Variants in CADM1 observed in about 807,000 individuals in gnomAD.
The protein encoded by CADM1 is cell adhesion molecule 1, also known as TSLC-1.
Under a neutral mutation model 53.1 loss-of-function variants are expected in CADM1, and 15 were observed. The observed-to-expected ratio is 0.28, with a 90% CI of 0.19 to 0.44. The LOEUF (loss-of-function observed/expected upper bound fraction) is 0.44. Ranked by LOEUF, CADM1 falls within the 20% of genes least tolerant of loss-of-function variation. The pLI, the probability that CADM1 is intolerant of heterozygous loss-of-function variation, is 1.00. For missense variants in CADM1, 434 were observed against 611.3 expected (o/e 0.71, Z 3.06); for synonymous variants, 281 against 243.0 (o/e 1.16, Z -1.45).
chr11:115,485,860 ACT>A (rs1377068249), intron 1 of CADM1, among the ~76,000 whole-genome samples: 22 of 151,862 alleles, frequency 1.4e-4, no homozygotes, highest in African/African-American at 5.3e-4. Flanking sequence ...TTTCTACTAA[ACT>A]CTTATTTCAA....
rs1206116628 is a variant in CADM1 at position 115,404,343 on chromosome 11, AAAAATATATATATATATATATAT to A, written c.124+99905_124+99927del. ...TCTGTCTCGGAAAAAAAAAAAAAAA[AAAAATATATATATATATATATAT>A]ATATATATATATATATATATATGGC... On this transcript the variant is annotated intron_variant, in intron 1 of 11. Coordinates refer to ENST00000331581, the MANE Select transcript of CADM1 (RefSeq NM_001301043.2). Among the ~76,000 whole-genome samples, 154 of 39,880 alleles carry A rather than the reference AAAAATATATATATATATATATAT, an allele frequency of 3.9e-3. 9 individuals carry two copies. Among genetic ancestry groups the A allele is most frequent in the Admixed American group, 0.027 (110 of 4,060 alleles). The allele number at this position is 39,880 out of a possible 152,430, so 26.2% of individuals were successfully genotyped here. A position where few individuals can be genotyped will look rare whatever the true frequency, so the allele number is the denominator to read the frequency against.
intron 1 of CADM1, among the ~76,000 whole-genome samples, chr11:115,421,735 C>T (rs1947762406): frequency 6.6e-6 from 1 of 152,148 alleles, no homozygotes; most frequent in South Asian, 2.1e-4. Flanking sequence ...ATGCCATTGC[C>T]AGAGAAAATT....
intron 1 of CADM1, among the ~76,000 whole-genome samples, chr11:115,332,021 T>C (rs1273500414): frequency 6.6e-6 from 1 of 152,146 alleles, no homozygotes; most frequent in Non-Finnish European, 1.5e-5. Flanking sequence ...CCCAGGTGCC[T>C]GAGCGTAACA....
intron 1 of CADM1, among the ~76,000 whole-genome samples, chr11:115,409,737 GAAA>G (rs34048832): frequency 2.9e-5 from 4 of 136,164 alleles, no homozygotes; most frequent in Admixed American, 2.2e-4. Context: ...TAAGCTTGAA[GAAA>G]AAAAAAAAAA....
intron 1 of CADM1, among the ~76,000 whole-genome samples, chr11:115,254,113 T>G (rs1483448353): frequency 6.6e-6 from 1 of 152,212 alleles, no homozygotes; most frequent in Non-Finnish European, 1.5e-5. Flanking sequence ...TATTGTTATT[T>G]TAATTATCTT....
chr11:115,450,055 G>A (rs536633357), intron 1 of CADM1, among the ~76,000 whole-genome samples: 1 of 151,718 alleles, frequency 6.6e-6, no homozygotes, highest in South Asian at 2.1e-4. Context: ...AACGCTGAAT[G>A]GAAAAAAAGC....
At chr11:115,414,505 T>TA (rs1021304385) in intron 1 of CADM1, among the ~76,000 whole-genome samples, 7 of 151,208 alleles carry the variant, frequency 4.6e-5, no homozygotes, top group Admixed American at 2.0e-4. Context: ...GTGCAACTCT[T>TA]AAAAAAAAAT....
chr11:115,404,389 G>T (rs1209462862), intron 1 of CADM1, among the ~76,000 whole-genome samples: 2 of 85,778 alleles, frequency 2.3e-5, no homozygotes, highest in Non-Finnish European at 2.1e-5. Flanking sequence ...ATATATATAT[G>T]GCCCATTTGC....
intron 1 of CADM1, among the ~76,000 whole-genome samples, chr11:115,398,290 TATTTTA>T (rs1451312499): frequency 1.1e-4 from 17 of 152,322 alleles, no homozygotes; most frequent in Middle Eastern, 3.4e-3. Context: ...AATTTGGAGA[TATTTTA>T]ATCTCTGAAT....
At chr11:115,494,422 AT>A (rs1006996194) in intron 1 of CADM1, among the ~76,000 whole-genome samples, 4 of 152,186 alleles carry the variant, frequency 2.6e-5, no homozygotes. Flanking sequence ...TTTATTAAAC[AT>A]AGTATATAAA....
chr11:115,238,388 T>G (rs1279337367), intron 3 of CADM1, 112 bp downstream of exon 3: 1 of 1,197,532 alleles, frequency 8.4e-7, no homozygotes, highest in East Asian at 2.3e-5. Flanking sequence ...GGGCGGTGAT[T>G]CTTCCTGAAA....
chr11:115,285,069 G>A (rs930689532), intron 1 of CADM1, among the ~76,000 whole-genome samples: 3 of 152,122 alleles, frequency 2.0e-5, no homozygotes, highest in South Asian at 4.2e-4. Flanking sequence ...TGCTCTCACT[G>A]GTGGTTCTTA....
chr11:115,319,777 C>T (rs1042122885), intron 1 of CADM1, among the ~76,000 whole-genome samples: 11 of 4,932 alleles, frequency 2.2e-3, no homozygotes, highest in Admixed American at 6.7e-3. Context: ...TCCTCTAATA[C>T]AAAAATAATG....
chr11:115,336,662 T>G (rs1002728122), intron 1 of CADM1, among the ~76,000 whole-genome samples: 3 of 152,152 alleles, frequency 2.0e-5, no homozygotes, highest in African/African-American at 7.2e-5. Context: ...AGTTCTTTCC[T>G]GATGTGTTTG....
chr11:115,316,839 T>C (rs368766078), intron 1 of CADM1, among the ~76,000 whole-genome samples: 1 of 152,132 alleles, frequency 6.6e-6, no homozygotes, highest in East Asian at 1.9e-4. Flanking sequence ...ACTGACTATA[T>C]AGCAAGATAA....
chr11:115,187,410 T>C (rs1014959602), intron 10 of CADM1, among the ~76,000 whole-genome samples: 1 of 152,164 alleles, frequency 6.6e-6, no homozygotes, highest in Non-Finnish European at 1.5e-5. Flanking sequence ...AGTGCTCCTA[T>C]TAGCTAAATG....
chr11:115,233,086 A>G (rs1373290196), intron 3 of CADM1, among the ~76,000 whole-genome samples: 3 of 152,184 alleles, frequency 2.0e-5, no homozygotes, highest in Non-Finnish European at 4.4e-5. Context: ...ATGATAGAAA[A>G]GTAAAAGTAA....
Position 115,180,654 on chromosome 11 carries a change from G to A in CADM1, c.1166-1879C>T, listed in dbSNP as rs3814965. 1.1e-4 allele frequency among the ~76,000 whole-genome samples: 16 copies of A among 151,586 alleles called. No homozygotes were observed. In the East Asian group the frequency reaches 1.7e-3, roughly 17 times the overall value. ...TTTTTTTTTTTTCCTTTTTAGAGAC[G>A]ACAAAGCTCGTTGAAGGGGAGCATT... is the stretch of plus-strand genomic sequence containing the variant. On this transcript the variant is annotated intron_variant, in intron 10 of 11. Transcript: ENST00000331581.
chr11:115,412,216 C>A (rs1338498239), intron 1 of CADM1, among the ~76,000 whole-genome samples: 1 of 151,762 alleles, frequency 6.6e-6, no homozygotes, highest in Non-Finnish European at 1.5e-5. Flanking sequence ...CTTTTGAGAA[C>A]AGAATTTCAC....
Sources: allele counts gnomAD v4.1 joint callset (sites outside exome capture counted in the v4.1 genomes callset), GRCh38; gene constraint gnomAD v4.1.1; transcripts MANE v1.5; gene names NCBI Gene and HGNC (gene_info 2026-07-23, HGNC 2026-07-21).